The following SRPK2 variants were observed in gnomAD, a reference collection of about 807,000 sequenced individuals.
SRPK2 encodes the protein SRSF protein kinase 2, also known as SFRS protein kinase 2.
A neutral mutation model predicts 90.8 loss-of-function variants in SRPK2; 21 were observed. The observed-to-expected ratio is 0.23, with a 90% CI of 0.16 to 0.33. The LOEUF (loss-of-function observed/expected upper bound fraction) is 0.33. Among genes scored for constraint, SRPK2 ranks in the 10% least tolerant of loss-of-function variants. The probability of loss-of-function intolerance (pLI) is 1.00; values close to 1 mark genes in which losing one functional copy is unlikely to be tolerated. For synonymous variants in SRPK2, 288 were observed against 311.1 expected (o/e 0.93, Z 0.78); for missense variants, 620 against 869.0 (o/e 0.71, Z 3.60).
chr7:105,293,369 C>T (rs1383972521), intron 2 of SRPK2, among the ~76,000 whole-genome samples: 1 of 152,128 alleles, frequency 6.6e-6, no homozygotes, highest in Admixed American at 6.5e-5. Flanking sequence ...GTGACAACTA[C>T]CACTCTAGAA....
At chr7:105,143,440 T>C (rs1200022696) in intron 9 of SRPK2, 110 bp from the exon 10 acceptor site, 2 of 1,381,400 alleles carry the variant, frequency 1.4e-6, no homozygotes, top group Non-Finnish European at 2.0e-6. Context: ...TCATGCCATA[T>C]TCTATTAAAA....
At chr7:105,296,749 A>G (rs1433645044) in intron 2 of SRPK2, among the ~76,000 whole-genome samples, 1 of 152,222 alleles carries the variant, frequency 6.6e-6, no homozygotes, top group Non-Finnish European at 1.5e-5. Context: ...AATAGAGCTT[A>G]CTATGTGCCA....
chr7:105,217,072 C>T (rs965646141), intron 2 of SRPK2, among the ~76,000 whole-genome samples: 7 of 152,224 alleles, frequency 4.6e-5, no homozygotes, highest in African/African-American at 9.7e-5. Context: ...TGATACATTA[C>T]GCACGATACT....
chr7:105,165,177 G>C (rs1271630261), intron 6 of SRPK2, among the ~76,000 whole-genome samples: 1 of 152,126 alleles, frequency 6.6e-6, no homozygotes, highest in African/African-American at 2.4e-5. Context: ...CAACTCCTCA[G>C]GTAGAGGAAG....
rs973440816 is a variant in SRPK2 at position 105,169,149 on chromosome 7, A to G, written c.338+8T>C. ...GAAACAAATGCACAAATGACAAAGAACACTTACTGCATATCCCAGCACAGC... is the reference window on the plus strand; with the variant it reads ...GAAACAAATGCACAAATGACAAAGAGCACTTACTGCATATCCCAGCACAGC... On this transcript the variant is annotated splice_region_variant and intron_variant, in intron 4 of 15. Transcript: ENST00000393651. 1 of 1,607,270 alleles carries G rather than the reference A, an allele frequency of 6.2e-7. No individual in the cohort carries two copies. The highest frequency in any genetic ancestry group is 1.3e-5 in the African/African-American group (1 of 74,790).
rs554458825 is a variant in SRPK2 at position 105,250,621 on chromosome 7, G to A, written c.72-46836C>T. 7.2e-5 allele frequency among the ~76,000 whole-genome samples: 11 copies of A among 152,280 alleles called. No individual in the cohort carries two copies. The South Asian group carries it at 2.3e-3, about 32-fold the overall frequency. On this transcript the variant is annotated intron_variant, in intron 2 of 15. Transcript: ENST00000393651. ...CCAAATCACACCAAGGAACTAAATG[G>A]AGCCTTGTTCTTAGAAAAAGTTAAC...
chr7:105,338,350 C>G (rs1312473873), intron 2 of SRPK2, among the ~76,000 whole-genome samples: 1 of 152,200 alleles, frequency 6.6e-6, no homozygotes, highest in African/African-American at 2.4e-5. Flanking sequence ...ATTCTCCTGC[C>G]TCAGCCTTCC....
intron 3 of SRPK2, among the ~76,000 whole-genome samples, chr7:105,198,794 T>C (rs564830658): frequency 3.1e-4 from 47 of 152,310 alleles, no homozygotes; most frequent in African/African-American, 1.1e-3. Flanking sequence ...ATTAATATAA[T>C]ATAAATTATC....
chr7:105,375,415 C>T (rs1820168837), intron 2 of SRPK2, among the ~76,000 whole-genome samples: 1 of 152,178 alleles, frequency 6.6e-6, no homozygotes, highest in Non-Finnish European at 1.5e-5. Context: ...AGCACACTGG[C>T]TCACACCTGT....
In SRPK2 at chr7:105,324,331, C is replaced by CT. The variant is rs542749531; in HGVS notation, c.71+64316dup. ...CAACTATTCCCTCCCTCCCTTCTTT[C>CT]TTTTTTTTTGAGATGGAGTCTCGCC... is the stretch of plus-strand genomic sequence containing the variant. On this transcript the variant is annotated intron_variant, in intron 2 of 15. Coordinates refer to ENST00000393651, the MANE Select transcript of SRPK2 (RefSeq NM_182692.3). 6.8e-3 allele frequency among the ~76,000 whole-genome samples: 1,005 copies of CT among 146,802 alleles called. 9 individuals carry two copies. The highest frequency in any genetic ancestry group is 0.023 in the African/African-American group (925 of 39,882).
chr7:105,394,730 A>G (rs1822275417), intron 1 of SRPK2, among the ~76,000 whole-genome samples: 2 of 152,192 alleles, frequency 1.3e-5, no homozygotes, highest in Admixed American at 6.6e-5. Flanking sequence ...TATTCTAGAC[A>G]CTGATTCTAT....
At chr7:105,128,999 C>A (rs1332138923) in intron 13 of SRPK2, among the ~76,000 whole-genome samples, 2 of 152,196 alleles carry the variant, frequency 1.3e-5, no homozygotes, top group Non-Finnish European at 2.9e-5. Flanking sequence ...GAGACGGAGT[C>A]TCGCTCTGTC....
intron 2 of SRPK2, among the ~76,000 whole-genome samples, chr7:105,297,775 T>G (rs903956833): frequency 6.7e-6 from 1 of 148,714 alleles, no homozygotes; most frequent in African/African-American, 2.5e-5. Context: ...GGAGTCTTAC[T>G]CTGTCACCCA....
rs374772539 is a variant in SRPK2 at position 105,294,427 on chromosome 7, T to C, written c.72-90642A>G. On this transcript the variant is annotated intron_variant, in intron 2 of 15. Coordinates refer to ENST00000393651, the MANE Select transcript of SRPK2 (RefSeq NM_182692.3). The stretch of plus-strand genomic sequence containing the variant: ...TGAAAAAAAATTCACAGTAACTGTT[T>C]GTTCCTTTAAAGGCTACCATCCCTT... Among the ~76,000 whole-genome samples the C allele has an allele frequency of 5.9e-5, 9 of 152,364 alleles. No individual in the cohort carries two copies. In the East Asian group the frequency reaches 1.3e-3, roughly 23 times the overall value.
intron 2 of SRPK2, among the ~76,000 whole-genome samples, chr7:105,270,250 G>C (rs1805648095): frequency 6.6e-6 from 1 of 152,164 alleles, no homozygotes; most frequent in Non-Finnish European, 1.5e-5. Flanking sequence ...TGGGAGAGCA[G>C]AGCACAGCGC....
At chr7:105,121,318 C>T (rs1800329584) in intron 15 of SRPK2, among the ~76,000 whole-genome samples, 1 of 150,466 alleles carries the variant, frequency 6.6e-6, no homozygotes. Context: ...ACACTCCAGC[C>T]TAGGCAACAG....
At chr7:105,296,341 C>G (rs1321167144) in intron 2 of SRPK2, among the ~76,000 whole-genome samples, 1 of 152,170 alleles carries the variant, frequency 6.6e-6, no homozygotes, top group African/African-American at 2.4e-5. Flanking sequence ...TTTTCTGAAT[C>G]TTGGCCTTCC....
chr7:105,290,085 C>T (rs1012216138), intron 2 of SRPK2, among the ~76,000 whole-genome samples: 1 of 151,804 alleles, frequency 6.6e-6, no homozygotes, highest in Non-Finnish European at 1.5e-5. Context: ...AAAACAATTA[C>T]CATATTATCA....
chr7:105,135,022 C>A lies in SRPK2; in HGVS notation c.1544-1918G>T, dbSNP rs193106136. 7.2e-5 allele frequency among the ~76,000 whole-genome samples: 11 copies of A among 152,228 alleles called. No homozygotes were observed. The East Asian group carries it at 2.1e-3, about 29-fold the overall frequency. Reference sequence around the variant, plus strand: ...AAAAAGAAGGCAAAATGAATATACACTGATTCACCTGGGGCTGAGAACAGA... The same window carrying A: ...AAAAAGAAGGCAAAATGAATATACAATGATTCACCTGGGGCTGAGAACAGA... On this transcript the variant is annotated intron_variant, in intron 11 of 15. Coordinates refer to ENST00000393651, the MANE Select transcript of SRPK2 (RefSeq NM_182692.3).
Sources: allele counts gnomAD v4.1 joint callset (sites outside exome capture counted in the v4.1 genomes callset), GRCh38; gene constraint gnomAD v4.1.1; transcripts MANE v1.5; gene names NCBI Gene and HGNC (gene_info 2026-07-23, HGNC 2026-07-21).